Variants in DNAJC1 observed in about 807,000 individuals in gnomAD.
The protein encoded by DNAJC1 is DnaJ heat shock protein family (Hsp40) member C1.
A neutral mutation model predicts 76.6 loss-of-function variants in DNAJC1; 58 were observed. The observed-to-expected ratio is 0.76, with a 90% CI of 0.61 to 0.94. The LOEUF (loss-of-function observed/expected upper bound fraction) is 0.94. DNAJC1 is among the 40% of genes least tolerant of loss of function. The pLI is 0.00. For missense variants in DNAJC1, 689 were observed against 677.3 expected (o/e 1.02, Z -0.19); for synonymous variants, 258 against 267.9 (o/e 0.96, Z 0.36).
chr10:21,782,573 C>T (rs1015769479), intron 9 of DNAJC1, among the ~76,000 whole-genome samples: 1 of 152,168 alleles, frequency 6.6e-6, no homozygotes. Flanking sequence ...CATCCTGATA[C>T]CAAAGCCTGG....
At chr10:21,896,442 C>T (rs1483855181) in intron 7 of DNAJC1, among the ~76,000 whole-genome samples, 2 of 152,160 alleles carry the variant, frequency 1.3e-5, no homozygotes, top group South Asian at 4.1e-4. Context: ...ACTGTTACCC[C>T]TTTATTCTTT....
intron 8 of DNAJC1, among the ~76,000 whole-genome samples, chr10:21,823,525 T>C (rs540803169): frequency 7.2e-5 from 11 of 151,828 alleles, no homozygotes; most frequent in African/African-American, 2.2e-4. Flanking sequence ...TAAAAAGTTA[T>C]TGTCATATTT....
intron 8 of DNAJC1, among the ~76,000 whole-genome samples, chr10:21,836,702 A>C (rs879754975): frequency 4.0e-4 from 61 of 152,296 alleles, no homozygotes; most frequent in Admixed American, 8.5e-4. Context: ...AACAGACTTT[A>C]AACCAACAAA....
At chr10:21,971,075 T>G (rs924930349) in intron 1 of DNAJC1, among the ~76,000 whole-genome samples, 1 of 152,036 alleles carries the variant, frequency 6.6e-6, no homozygotes, top group African/African-American at 2.4e-5. Context: ...TTCTAAACTT[T>G]TATACCATAC....
chr10:21,907,087 C>G lies in DNAJC1; in HGVS notation c.730-2475G>C, dbSNP rs139533890. Among the ~76,000 whole-genome samples, 14 of 152,206 alleles carry G rather than the reference C, an allele frequency of 9.2e-5. No homozygotes were observed. In the East Asian group the frequency reaches 2.7e-3, roughly 29 times the overall value. On this transcript the variant is annotated intron_variant, in intron 6 of 11. Transcript: ENST00000376980. ...GTCCTGCCAAATTTGAACATTTTCC[C>G]TGTTAATGTTTCTTCTTCCTGCTAT...
intron 8 of DNAJC1, among the ~76,000 whole-genome samples, chr10:21,809,776 C>T (rs1212762698): frequency 6.6e-6 from 1 of 151,800 alleles, no homozygotes; most frequent in Non-Finnish European, 1.5e-5. Context: ...GGAGGCATGC[C>T]CTTGACAAAT....
rs1190015541 is a variant in DNAJC1 at position 21,803,742 on chromosome 10, A to G, written c.1098+2238T>C. ...GAATGAAAATGCAGTGTGGGTCTAT[A>G]TATATATTGACATAGAAGAAAAGTT... On this transcript the variant is annotated intron_variant, in intron 9 of 11. Coordinates refer to ENST00000376980, the MANE Select transcript of DNAJC1 (RefSeq NM_022365.4). 14 of 713,100 alleles carry G rather than the reference A, an allele frequency of 2.0e-5. No homozygotes were observed. The African/African-American group carries it at 2.5e-4, about 13-fold the overall frequency. The allele number at this position is 713,100 out of a possible 1,614,324, so 44.2% of individuals were successfully genotyped here. A position where few individuals can be genotyped will look rare whatever the true frequency, so the allele number is the denominator to read the frequency against.
At chr10:21,910,267 C>T (rs1425485308) in intron 6 of DNAJC1, among the ~76,000 whole-genome samples, 36 of 152,046 alleles carry the variant, frequency 2.4e-4, no homozygotes, top group Admixed American at 2.4e-3. Context: ...AGGTGCCTGC[C>T]ACCACACTCG....
Position 21,982,327 on chromosome 10 carries a change from C to T in DNAJC1, c.222+20886G>A, listed in dbSNP as rs556997240. On this transcript the variant is annotated intron_variant, in intron 1 of 11. Transcript: ENST00000376980. The stretch of plus-strand genomic sequence containing the variant: ...GAAGAAAATATATGGGAAAAAACTT[C>T]ATGATATTAGATTTGGTGATGATTT... Among the ~76,000 whole-genome samples, 98 of 152,044 alleles carry T rather than the reference C, an allele frequency of 6.4e-4. No homozygotes were observed. In the South Asian group the frequency reaches 0.014, roughly 21 times the overall value.
At chr10:21,898,874 G>A (rs185054356) in intron 7 of DNAJC1, among the ~76,000 whole-genome samples, 28 of 151,864 alleles carry the variant, frequency 1.8e-4, no homozygotes, top group Admixed American at 8.5e-4. Context: ...TAGAAGCAGC[G>A]GCAGTCTACA....
At chr10:21,937,655 G>C (rs1837331287) in intron 1 of DNAJC1, among the ~76,000 whole-genome samples, 1 of 152,010 alleles carries the variant, frequency 6.6e-6, no homozygotes, top group Non-Finnish European at 1.5e-5. Flanking sequence ...CCCCAAAAGA[G>C]AATACGCATT....
At chr10:21,910,660 G>A (rs908910520) in intron 6 of DNAJC1, among the ~76,000 whole-genome samples, 2 of 152,024 alleles carry the variant, frequency 1.3e-5, no homozygotes, top group Non-Finnish European at 2.9e-5. Flanking sequence ...AGGGCCTGTG[G>A]TGGGGTGGGA....
chr10:21,831,547 T>G (rs886385752), intron 8 of DNAJC1, among the ~76,000 whole-genome samples: 9 of 152,126 alleles, frequency 5.9e-5, no homozygotes, highest in African/African-American at 2.2e-4. Context: ...TCCCAGCACT[T>G]TGGGAGGCTG....
intron 1 of DNAJC1, among the ~76,000 whole-genome samples, chr10:21,965,376 C>A (rs1837875289): frequency 6.6e-6 from 1 of 152,106 alleles, no homozygotes; most frequent in Admixed American, 6.5e-5. Flanking sequence ...TGAAACTTAA[C>A]CATACTACAA....
intron 8 of DNAJC1, among the ~76,000 whole-genome samples, chr10:21,869,041 G>T (rs1836056362): frequency 1.3e-5 from 2 of 151,918 alleles, no homozygotes; most frequent in South Asian, 4.2e-4. Context: ...TTTTTGTAGT[G>T]GCCCTACAAA....
At chr10:21,839,037 G>C (rs577302262) in intron 8 of DNAJC1, among the ~76,000 whole-genome samples, 31 of 152,200 alleles carry the variant, frequency 2.0e-4, no homozygotes, top group Admixed American at 2.0e-3. Context: ...AAATAAAGGT[G>C]TTCTTTGAAA....
intron 8 of DNAJC1, among the ~76,000 whole-genome samples, chr10:21,807,301 C>T (rs1392488137): frequency 6.6e-6 from 1 of 152,162 alleles, no homozygotes; most frequent in Non-Finnish European, 1.5e-5. Context: ...GGGACTATCT[C>T]CACAGCTACA....
chr10:21,845,028 G>C lies in DNAJC1; in HGVS notation c.978+37254C>G, dbSNP rs917113349. On this transcript the variant is annotated intron_variant, in intron 8 of 11. Transcript: ENST00000376980. ...CTCCAGCCTGGGTGACAGAGTATGA[G>C]ACTCTGTCTCAAAAAATTTATATGT... Among the ~76,000 whole-genome samples the C allele has an allele frequency of 1.1e-4, 17 of 152,220 alleles. No homozygotes were observed. In the South Asian group the frequency reaches 2.5e-3, roughly 22 times the overall value.
chr10:21,881,094 GCTAGCTTCCAACTTTT>G (rs1836268274), intron 8 of DNAJC1, among the ~76,000 whole-genome samples: 2 of 152,152 alleles, frequency 1.3e-5, no homozygotes, highest in African/African-American at 4.8e-5. Context: ...ACCAACCTCT[GCTAGCTTCCAACTTTT>G]CTTCTGCAGC....
Sources: allele counts gnomAD v4.1 joint callset (sites outside exome capture counted in the v4.1 genomes callset), GRCh38; gene constraint gnomAD v4.1.1; transcripts MANE v1.5; gene names NCBI Gene and HGNC (gene_info 2026-07-23, HGNC 2026-07-21).